Variants in FBXO21 observed in about 807,000 individuals in gnomAD.
FBXO21 encodes the protein F-box protein 21, also known as F-box only protein 21.
FBXO21 carries 32 observed loss-of-function variants against 76.6 expected under a neutral mutation model. That is an observed-to-expected ratio of 0.42 (90% confidence interval 0.32 to 0.56). FBXO21 has a LOEUF of 0.56. Among genes scored for constraint, FBXO21 ranks in the 20% least tolerant of loss-of-function variants. FBXO21 has a pLI of 0.16. For synonymous variants in FBXO21, 328 were observed against 311.5 expected, an observed-to-expected ratio of 1.05 and a Z score of -0.56; for missense variants, 586 against 797.3, an observed-to-expected ratio of 0.73 and a Z score of 3.19.
chr12:117,184,563 G>C (rs1348454544), intron 3 of FBXO21, among the ~76,000 whole-genome samples: 1 of 152,172 alleles, frequency 6.6e-6, no homozygotes, highest in Non-Finnish European at 1.5e-5. Flanking sequence ...AGACCAGCCT[G>C]ACCAAGAGGG....
At chr12:117,183,694 T>C (rs1463384693) in intron 3 of FBXO21, among the ~76,000 whole-genome samples, 1 of 152,268 alleles carries the variant, frequency 6.6e-6, no homozygotes, top group Non-Finnish European at 1.5e-5. Flanking sequence ...ACTTCGTTCA[T>C]GCTCTCTTGG....
At chr12:117,178,087 G>T (rs1956192298) in intron 3 of FBXO21, among the ~76,000 whole-genome samples, 1 of 152,068 alleles carries the variant, frequency 6.6e-6, no homozygotes, top group African/African-American at 2.4e-5. Context: ...CTAGACCTTT[G>T]TATCAACTAC....
At chr12:117,182,949 C>T (rs1388474132) in intron 3 of FBXO21, among the ~76,000 whole-genome samples, 1 of 152,014 alleles carries the variant, frequency 6.6e-6, no homozygotes, top group Non-Finnish European at 1.5e-5. Context: ...AAAAATTAGC[C>T]AGGTGTGGTG....
At chr12:117,147,304 A>G (rs1195919107) in intron 11 of FBXO21, among the ~76,000 whole-genome samples, 58 of 117,740 alleles carry the variant, frequency 4.9e-4, no homozygotes, top group Middle Eastern at 4.9e-3. Flanking sequence ...AAAAAAAAAA[A>G]AAAGAAAAAA....
At chr12:117,147,722 C>A (rs960851798) in intron 11 of FBXO21, among the ~76,000 whole-genome samples, 1 of 152,142 alleles carries the variant, frequency 6.6e-6, no homozygotes, top group African/African-American at 2.4e-5. Flanking sequence ...GTGCTTTGTG[C>A]GCCCTTCTTT....
intron 11 of FBXO21, among the ~76,000 whole-genome samples, chr12:117,150,440 G>A (rs926262382): frequency 7.2e-5 from 11 of 152,276 alleles, no homozygotes; most frequent in South Asian, 2.1e-4. Flanking sequence ...CCAGTGTGTC[G>A]CTGCAGTCCT....
At position 117,143,963 on chromosome 12, in the gene FBXO21, G is replaced by C. The variant is rs1955741186; in HGVS notation, c.*2124C>G. 6.6e-6 allele frequency: 1 copy of C among 152,620 alleles called. No homozygotes were observed. Among genetic ancestry groups the C allele is most frequent in the South Asian group, 2.1e-4 (1 of 4,832 alleles). 9.5% of individuals were successfully genotyped at this position (152,620 alleles called of 1,614,324 possible). ...GGAAAATTTTTAAAAAGAAACTTAT[G>C]ATTTATTAGAGTACAGGATCCAAAA... On this transcript the variant is annotated 3_prime_UTR_variant, in exon 12 of 12. Transcript: ENST00000622495.
chr12:117,170,630 C>T (rs1956108511), intron 7 of FBXO21, among the ~76,000 whole-genome samples: 1 of 152,098 alleles, frequency 6.6e-6, no homozygotes, highest in East Asian at 1.9e-4. Context: ...TTATGGGGCT[C>T]AGTGCTTGTT....
chr12:117,168,621 T>C (rs1956085747), intron 7 of FBXO21, among the ~76,000 whole-genome samples: 1 of 151,994 alleles, frequency 6.6e-6, no homozygotes, highest in African/African-American at 2.4e-5. Flanking sequence ...ACTCTTAAAC[T>C]CTTTTTATGA....
At chr12:117,176,970 T>A (rs1277220386) in intron 4 of FBXO21, among the ~76,000 whole-genome samples, 6 of 151,780 alleles carry the variant, frequency 4.0e-5, no homozygotes, top group South Asian at 2.1e-4. Context: ...AAAATCATTT[T>A]AAAAAAAATG....
chr12:117,174,750 G>C lies in FBXO21; in HGVS notation c.640C>G (p.Leu214Val). ...QYCNPLSDIS[L>V]KDIQAQIDSI... Reference sequence around the variant, plus strand: ...TCAATTTGGGCCTGGATGTCTTTGAGGCTGATGTCGGAGAGAGGATTGCAG... The same window carrying C: ...TCAATTTGGGCCTGGATGTCTTTGACGCTGATGTCGGAGAGAGGATTGCAG... The change falls in exon 5 of 12, where the codon CTC becomes GTC. Residue 214 changes from leucine (L) to valine (V), a missense_variant. Physicochemically the swap from Leu to Val is conservative, Grantham distance 32. Coordinates refer to ENST00000622495, the MANE Select transcript of FBXO21 (RefSeq NM_015002.3). The C allele has an allele frequency of 6.2e-7, 1 of 1,614,146 alleles. No individual in the cohort carries two copies. Among genetic ancestry groups the C allele is most frequent in the South Asian group, 1.1e-5 (1 of 91,086 alleles).
intron 7 of FBXO21, among the ~76,000 whole-genome samples, chr12:117,168,619 ACT>A (rs957042646): frequency 5.0e-4 from 76 of 152,286 alleles, no homozygotes; most frequent in African/African-American, 1.7e-3. Flanking sequence ...GCACTCTTAA[ACT>A]CTTTTTATGA....
intron 2 of FBXO21, among the ~76,000 whole-genome samples, chr12:117,186,866 A>G (rs1333981815): frequency 6.6e-6 from 1 of 152,212 alleles, no homozygotes. Context: ...GTGGTTCATG[A>G]CTGTAATCCC....
At chr12:117,178,619 G>A (rs1348890250) in intron 3 of FBXO21, among the ~76,000 whole-genome samples, 1 of 151,872 alleles carries the variant, frequency 6.6e-6, no homozygotes, top group Non-Finnish European at 1.5e-5. Context: ...AGCCACCCAA[G>A]CATTCCAGCT....
At chr12:117,171,880 C>T (rs1315867345) in intron 7 of FBXO21, among the ~76,000 whole-genome samples, 1 of 151,984 alleles carries the variant, frequency 6.6e-6, no homozygotes, top group Non-Finnish European at 1.5e-5. Flanking sequence ...AGCTTTTTGC[C>T]CTACAGAGCA....
At chr12:117,148,353 A>G (rs1955802448) in intron 11 of FBXO21, among the ~76,000 whole-genome samples, 1 of 152,208 alleles carries the variant, frequency 6.6e-6, no homozygotes, top group South Asian at 2.1e-4. Context: ...TGCTAGGAAA[A>G]CTGGAAGAGC....
At position 117,167,697 on chromosome 12, in the gene FBXO21, C is replaced by T. The variant is rs1039726080; in HGVS notation, c.1014-620G>A. 7.9e-5 allele frequency among the ~76,000 whole-genome samples: 12 copies of T among 151,360 alleles called. No homozygotes were observed. The East Asian group carries it at 1.4e-3, about 17-fold the overall frequency. On this transcript the variant is annotated intron_variant, in intron 7 of 11. Coordinates refer to ENST00000622495, the MANE Select transcript of FBXO21 (RefSeq NM_015002.3). ...CGGAGCTTGCAGTTAGCCAAGATCACGCTACTGCACTGCACTCCAGCCTGG... is the reference window on the plus strand; with the variant it reads ...CGGAGCTTGCAGTTAGCCAAGATCATGCTACTGCACTGCACTCCAGCCTGG...
chr12:117,164,152 C>A (rs1439190790), intron 9 of FBXO21, among the ~76,000 whole-genome samples: 1 of 151,408 alleles, frequency 6.6e-6, no homozygotes, highest in Non-Finnish European at 1.5e-5. Flanking sequence ...ATGATTACAT[C>A]TTGGACAAGT....
intron 11 of FBXO21, 21 bp from the exon 12 acceptor site, chr12:117,146,298 G>C: frequency 6.3e-7 from 1 of 1,581,082 alleles, no homozygotes; most frequent in Non-Finnish European, 8.6e-7. Flanking sequence ...AGAGGCACAC[G>C]GGCATTCTCA....
Sources: allele counts gnomAD v4.1 joint callset (sites outside exome capture counted in the v4.1 genomes callset), GRCh38; gene constraint gnomAD v4.1.1; transcripts MANE v1.5; gene names NCBI Gene and HGNC (gene_info 2026-07-23, HGNC 2026-07-21).